Variants in RAD51B observed in about 807,000 individuals in gnomAD.
RAD51B encodes RAD51 paralog B.
In RAD51B, 38 loss-of-function variants were observed where a neutral mutation model predicts 42.2. That is an observed-to-expected ratio of 0.90 (90% CI 0.70 to 1.18). RAD51B has a LOEUF of 1.18. Ranked by LOEUF, RAD51B falls within the 50% of genes most tolerant of loss-of-function variation. The pLI is 0.00. For synonymous variants in RAD51B, 154 were observed against 145.2 expected, an observed-to-expected ratio of 1.06 and a Z score of -0.43; for missense variants, 373 against 400.7, an observed-to-expected ratio of 0.93 and a Z score of 0.59.
intron 7 of RAD51B, among the ~76,000 whole-genome samples, chr14:68,148,228 G>A (rs1049040545): frequency 6.6e-6 from 1 of 152,138 alleles, no homozygotes; most frequent in Non-Finnish European, 1.5e-5. Flanking sequence ...CCATTCATCT[G>A]TTGATGGATA....
intron 10 of RAD51B, among the ~76,000 whole-genome samples, chr14:68,491,210 C>T (rs1203938454): frequency 1.3e-5 from 2 of 152,180 alleles, no homozygotes; most frequent in Non-Finnish European, 2.9e-5. Flanking sequence ...GGCCAAGTTG[C>T]ACTCCAACCC....
intron 7 of RAD51B, among the ~76,000 whole-genome samples, chr14:68,141,963 A>G (rs2078138368): frequency 6.8e-6 from 1 of 147,806 alleles, no homozygotes; most frequent in Non-Finnish European, 1.5e-5. Flanking sequence ...GGGTCATTCC[A>G]TTCATATGTT....
chr14:67,992,479 A>G (rs2075311523), intron 7 of RAD51B, among the ~76,000 whole-genome samples: 1 of 152,168 alleles, frequency 6.6e-6, no homozygotes, highest in African/African-American at 2.4e-5. Flanking sequence ...AATAGAAGAA[A>G]TTTATTCATC....
intron 8 of RAD51B, among the ~76,000 whole-genome samples, chr14:68,380,950 G>T (rs1037748763): frequency 1.3e-5 from 2 of 152,184 alleles, no homozygotes; most frequent in African/African-American, 4.8e-5. Context: ...AATCAGTAGG[G>T]TGAGCACAGT....
chr14:68,530,902 A>G (rs893614044), intron 10 of RAD51B, among the ~76,000 whole-genome samples: 11 of 152,152 alleles, frequency 7.2e-5, no homozygotes, highest in Non-Finnish European at 1.3e-4. Flanking sequence ...AAAGTTAAAT[A>G]AAAAAGTAAT....
intron 5 of RAD51B, among the ~76,000 whole-genome samples, chr14:67,883,337 A>AC (rs1209777792): frequency 2.0e-5 from 3 of 151,926 alleles, no homozygotes; most frequent in African/African-American, 7.2e-5. Flanking sequence ...GCAAAAAAAA[A>AC]AAAAACAAAA....
chr14:67,977,991 T>G (rs1764346508), intron 7 of RAD51B, among the ~76,000 whole-genome samples: 1 of 152,216 alleles, frequency 6.6e-6, no homozygotes, highest in South Asian at 2.1e-4. Context: ...TTGTTCCTCT[T>G]CCTTATTTTC....
At chr14:67,856,993 A>G (rs573737995) in intron 4 of RAD51B, among the ~76,000 whole-genome samples, 2 of 152,266 alleles carry the variant, frequency 1.3e-5, no homozygotes, top group East Asian at 1.9e-4. Flanking sequence ...AACTTAGCCT[A>G]TTCTGGTTTG....
intron 10 of RAD51B, among the ~76,000 whole-genome samples, chr14:68,643,189 T>A (rs1892497700): frequency 6.6e-6 from 1 of 151,448 alleles, no homozygotes. Context: ...GGACACTCTG[T>A]TGTTAGGTGC....
At chr14:68,268,593 T>C (rs1476766095) in intron 7 of RAD51B, among the ~76,000 whole-genome samples, 1 of 152,216 alleles carries the variant, frequency 6.6e-6, no homozygotes, top group Non-Finnish European at 1.5e-5. Context: ...TCACCTGAGA[T>C]AGTGATGAAC....
At chr14:68,487,134 T>G (rs1883687108) in intron 10 of RAD51B, among the ~76,000 whole-genome samples, 1 of 152,200 alleles carries the variant, frequency 6.6e-6, no homozygotes, top group Non-Finnish European at 1.5e-5. Context: ...TACCACAAAC[T>G]GCATGGCTTA....
At chr14:68,012,218 G>A (rs2140331801) in intron 7 of RAD51B, among the ~76,000 whole-genome samples, 1 of 152,130 alleles carries the variant, frequency 6.6e-6, no homozygotes, top group South Asian at 2.1e-4. Context: ...AAGAAAGTGT[G>A]TTTTCTTAAT....
chr14:68,206,741 C>A (rs1357200146), intron 7 of RAD51B, among the ~76,000 whole-genome samples: 2 of 150,730 alleles, frequency 1.3e-5, no homozygotes, highest in African/African-American at 4.9e-5. Context: ...CTTGTACCTA[C>A]TCTGCCTAAG....
chr14:68,495,799 T>C (rs1884468528), intron 10 of RAD51B, among the ~76,000 whole-genome samples: 2 of 152,124 alleles, frequency 1.3e-5, no homozygotes, highest in Non-Finnish European at 2.9e-5. Flanking sequence ...TTAACCACAG[T>C]GAAAAACCCA....
intron 7 of RAD51B, among the ~76,000 whole-genome samples, chr14:68,046,285 G>C (rs1357066719): frequency 1.3e-5 from 2 of 152,096 alleles, no homozygotes; most frequent in African/African-American, 4.8e-5. Flanking sequence ...CACTCTGTCA[G>C]CTAATTCTTT....
At chr14:67,838,711 G>T (rs530442894) in intron 4 of RAD51B, among the ~76,000 whole-genome samples, 3 of 151,870 alleles carry the variant, frequency 2.0e-5, no homozygotes, top group East Asian at 1.9e-4. Context: ...CTCCCAACGT[G>T]TTGGGATTAC....
At chr14:68,530,446 C>A (rs1196909275) in intron 10 of RAD51B, among the ~76,000 whole-genome samples, 38 of 67,834 alleles carry the variant, frequency 5.6e-4, no homozygotes, top group East Asian at 9.0e-4. Flanking sequence ...GACCCTGTCT[C>A]AAAAAAAAAA....
intron 8 of RAD51B, among the ~76,000 whole-genome samples, chr14:68,352,205 G>T (rs1036833901): frequency 6.6e-6 from 1 of 152,230 alleles, no homozygotes; most frequent in East Asian, 1.9e-4. Flanking sequence ...TAGAATTAAT[G>T]AATAGATGGT....
chr14:68,142,627 C>T (rs1279892541), intron 7 of RAD51B, among the ~76,000 whole-genome samples: 1 of 151,950 alleles, frequency 6.6e-6, no homozygotes, highest in Admixed American at 6.6e-5. Context: ...TAAACAGAGG[C>T]CATAGTTTAT....
Sources: allele counts gnomAD v4.1 joint callset (sites outside exome capture counted in the v4.1 genomes callset), GRCh38; gene constraint gnomAD v4.1.1; transcripts MANE v1.5; gene names NCBI Gene and HGNC (gene_info 2026-07-23, HGNC 2026-07-21).